Variants in POU2F3 observed in about 807,000 individuals in gnomAD.
The protein encoded by POU2F3 is POU domain, class 2, transcription factor 3.
Under a neutral mutation model 59.2 loss-of-function variants are expected in POU2F3, and 23 were observed. The observed-to-expected ratio is 0.39, with a 90% CI of 0.28 to 0.55. POU2F3 has a LOEUF of 0.55. Ranked by LOEUF, POU2F3 falls within the 20% of genes least tolerant of loss-of-function variation. The pLI, the probability that POU2F3 is intolerant of heterozygous loss-of-function variation, is 0.66. For synonymous variants in POU2F3, 190 were observed against 214.6 expected, an observed-to-expected ratio of 0.89 and a Z score of 1.00; for missense variants, 473 against 544.5, an observed-to-expected ratio of 0.87 and a Z score of 1.31.
chr11:120,298,167 C>T (rs1941243038), intron 3 of POU2F3, 98 bp from the exon 4 acceptor site: 2 of 1,423,376 alleles, frequency 1.4e-6, no homozygotes. Flanking sequence ...CCTCTCTAGG[C>T]TGGTCACTCC....
intron 6 of POU2F3, 83 bp from the exon 7 acceptor site, chr11:120,304,942 TAAAAA>T (rs11443197): frequency 8.9e-3 from 2,976 of 334,948 alleles, no homozygotes; most frequent in Middle Eastern, 0.015. Context: ...GGCCTATTAG[TAAAAA>T]AAAAAAAAAA....
rs1441155831 is a variant in POU2F3, at chr11:120,291,830, A to T, written c.133-6435A>T. 6.4e-5 allele frequency among the ~76,000 whole-genome samples: 9 copies of T among 141,542 alleles called. No individual in the cohort carries two copies. In the Admixed American group the frequency reaches 6.6e-4, roughly 10 times the overall value. 92.9% of individuals were successfully genotyped at this position (141,542 alleles called of 152,430 possible). On this transcript the variant is annotated intron_variant, in intron 3 of 12. Transcript: ENST00000543440. Reference sequence around the variant, plus strand: ...TCTTTTTTCTTTTTTTTTTTTTGAGATGGAGTCTAGCTCTGTCGCCCAGGC... The same window carrying T: ...TCTTTTTTCTTTTTTTTTTTTTGAGTTGGAGTCTAGCTCTGTCGCCCAGGC...
rs1230970350 is a variant in POU2F3, at chr11:120,274,092, G to A, written c.132+4848G>A. 1.9e-4 allele frequency among the ~76,000 whole-genome samples: 17 copies of A among 91,068 alleles called. No homozygotes were observed. In the East Asian group the frequency reaches 4.2e-3, roughly 23 times the overall value. 59.7% of individuals were successfully genotyped at this position (91,068 alleles called of 152,430 possible). A position where few individuals can be genotyped will look rare whatever the true frequency, so the allele number is the denominator to read the frequency against. On this transcript the variant is annotated intron_variant, in intron 3 of 12. Coordinates refer to ENST00000543440, the MANE Select transcript of POU2F3 (RefSeq NM_014352.4). ...AAGAAAGAAAAAGAGAGAAAGAAAGGAAGGAAGGAAGGAAGAAAGGAAGGA... is the reference window on the plus strand; with the variant it reads ...AAGAAAGAAAAAGAGAGAAAGAAAGAAAGGAAGGAAGGAAGAAAGGAAGGA...
rs1941472957 is a variant in POU2F3 at position 120,305,869 on chromosome 11, G to A, written c.769+84G>A. 11 of 1,527,000 alleles carry A rather than the reference G, an allele frequency of 7.2e-6. No individual in the cohort carries two copies. In the South Asian group the frequency reaches 1.3e-4, roughly 18 times the overall value. The allele number at this position is 1,527,000 out of a possible 1,614,324, so 94.6% of individuals were successfully genotyped here. On this transcript the variant is annotated intron_variant, in intron 8 of 12. Transcript: ENST00000543440. ...TGACTTGTCGTGTTGGGGCTTTTGG[G>A]AGTTTGATACCTAACACCCCCTTCT...
intron 1 of POU2F3, 152 bp downstream of exon 1, chr11:120,240,523 G>C (rs1356154799): frequency 3.7e-6 from 4 of 1,079,076 alleles, no homozygotes; most frequent in Admixed American, 4.4e-5. Flanking sequence ...GGTGGGTGCC[G>C]GTCAGTATTT....
intron 3 of POU2F3, among the ~76,000 whole-genome samples, chr11:120,282,673 A>T (rs917380639): frequency 6.6e-6 from 1 of 152,242 alleles, no homozygotes; most frequent in East Asian, 1.9e-4. Context: ...AAACAAAAAA[A>T]AGAGAAATAT....
intron 2 of POU2F3, among the ~76,000 whole-genome samples, chr11:120,266,419 G>T (rs139138556): frequency 6.6e-6 from 1 of 151,980 alleles, no homozygotes; most frequent in East Asian, 1.9e-4. Flanking sequence ...AGGTGTAAAG[G>T]CTTAAGTCAG....
chr11:120,307,430 C>G, intron 8 of POU2F3, 49 bp from the exon 9 acceptor site: 1 of 1,601,338 alleles, frequency 6.2e-7, no homozygotes, highest in Non-Finnish European at 8.5e-7. Flanking sequence ...AAGGCACCGG[C>G]CACTCATCCC....
Position 120,308,807 on chromosome 11 carries a change from G to C in POU2F3, c.907-618G>C, listed in dbSNP as rs556609608. 1.8e-4 allele frequency among the ~76,000 whole-genome samples: 28 copies of C among 151,784 alleles called. No individual in the cohort carries two copies. The South Asian group carries it at 5.6e-3, about 31-fold the overall frequency. On this transcript the variant is annotated intron_variant, in intron 9 of 12. Coordinates refer to ENST00000543440, the MANE Select transcript of POU2F3 (RefSeq NM_014352.4). ...ACAAAAATTAGCTGGGCGTGGTGAT[G>C]TATGCCTGTAATCCCGGCTACTCAG... is the stretch of plus-strand genomic sequence containing the variant.
At chr11:120,252,315 T>G (rs757868943) in intron 2 of POU2F3, among the ~76,000 whole-genome samples, 1 of 151,124 alleles carries the variant, frequency 6.6e-6, no homozygotes, top group Non-Finnish European at 1.5e-5. Context: ...TAAGCGATTC[T>G]CCTGCCTCAG....
At chr11:120,237,690 A>G (rs1938535479), upstream of POU2F3, among the ~76,000 whole-genome samples, 2 of 152,216 alleles carry the variant, frequency 1.3e-5, no homozygotes, top group South Asian at 4.2e-4. Flanking sequence ...GGAAATCACA[A>G]GCACACAGGG....
intron 1 of POU2F3, among the ~76,000 whole-genome samples, chr11:120,244,834 G>T (rs1051791922): frequency 6.6e-6 from 1 of 152,110 alleles, no homozygotes; most frequent in Non-Finnish European, 1.5e-5. Flanking sequence ...GTGTCTGGGC[G>T]GTCCATAGTA....
chr11:120,304,995 T>C (rs377287863), intron 6 of POU2F3, 35 bp from the exon 7 acceptor site: 3 of 1,394,830 alleles, frequency 2.2e-6, no homozygotes, highest in Non-Finnish European at 2.9e-6. Flanking sequence ...TTTATTGATC[T>C]TCGTGGTGGA....
upstream of POU2F3, chr11:120,236,715 A>G (rs1167524289): frequency 1.3e-6 from 2 of 1,482,632 alleles, no homozygotes; most frequent in East Asian, 2.5e-5. Context: ...GGGGTAAAGG[A>G]GTTCTCTACG....
upstream of POU2F3, among the ~76,000 whole-genome samples, chr11:120,236,963 C>T (rs558188262): frequency 6.6e-6 from 1 of 152,154 alleles, no homozygotes; most frequent in Non-Finnish European, 1.5e-5. Flanking sequence ...CCTCAGGTCC[C>T]TCAAATGAAG....
rs564257342 is a variant in POU2F3 at position 120,299,747 on chromosome 11, C to T, written c.361+21C>T. The stretch of plus-strand genomic sequence containing the variant: ...GCAAGGTAAGAACCCTGGGGGTTTC[C>T]ACCTAGACCAAGTCCAGTCAAGTGC... On this transcript the variant is annotated intron_variant, in intron 5 of 12. Coordinates refer to ENST00000543440, the MANE Select transcript of POU2F3 (RefSeq NM_014352.4). 10 of 1,593,102 alleles carry T rather than the reference C, an allele frequency of 6.3e-6. No individual in the cohort carries two copies. In the African/African-American group the frequency reaches 9.4e-5, roughly 15 times the overall value.
chr11:120,305,648 A>G lies in POU2F3; in HGVS notation c.632A>G (p.Asp211Gly). The G allele has an allele frequency of 1.9e-6, 3 of 1,613,738 alleles. No individual in the cohort carries two copies. The highest frequency in any genetic ancestry group is 2.2e-5 in the South Asian group (2 of 91,040). The change falls in exon 8 of 13, where the codon GAT (aspartate) becomes GGT (glycine). Residue 211 changes from aspartate to glycine, a missense_variant. Physicochemically the swap from Asp to Gly is moderately conservative, Grantham distance 94 (BLOSUM62 -1). Transcript: ENST00000543440. ...CCCCTCGGTCCCCACGCTTAGGGAG[A>G]TGTGGGGCTGGCGATGGGAAAGCTG... is the stretch of plus-strand genomic sequence containing the variant. ...RRIKLGFTQG[D>G]VGLAMGKLYG...
Position 120,309,417 on chromosome 11 carries a change from GC to G in POU2F3, c.907-6del. ...CTTGGCCATACTCTGTCCTTTCGGT[GC>G]CTATAGAACCCAAAACCCAGCTCGG... On this transcript the variant is annotated splice_polypyrimidine_tract_variant and splice_region_variant and intron_variant, in intron 9 of 12. Coordinates refer to ENST00000543440, the MANE Select transcript of POU2F3 (RefSeq NM_014352.4). The G allele has an allele frequency of 6.2e-7, 1 of 1,608,904 alleles. No individual in the cohort carries two copies.
upstream of POU2F3, among the ~76,000 whole-genome samples, chr11:120,237,392 C>T (rs1437550247): frequency 6.6e-6 from 1 of 152,130 alleles, no homozygotes; most frequent in Non-Finnish European, 1.5e-5. Context: ...CAAAGCTGTG[C>T]CTCCAGCTGT....
Sources: gnomAD v4.1 joint callset for allele counts (sites outside exome capture counted in the v4.1 genomes callset) on GRCh38, gnomAD v4.1.1 for gene constraint, MANE v1.5 for transcripts, NCBI Gene and HGNC (gene_info 2026-07-23, HGNC 2026-07-21) for gene names.